The following ZNF385B variants were observed in gnomAD, a reference collection of about 807,000 sequenced individuals.
The protein encoded by ZNF385B is zinc finger protein 385B, also known as zinc finger protein 533.
Under a neutral mutation model 39.2 loss-of-function variants are expected in ZNF385B, and 23 were observed. The observed-to-expected ratio is 0.59, with a 90% CI of 0.42 to 0.83. ZNF385B has a LOEUF of 0.83. ZNF385B is among the 40% of genes least tolerant of loss of function. The pLI is 0.00. For synonymous variants in ZNF385B, 205 were observed against 222.6 expected, an observed-to-expected ratio of 0.92 and a Z score of 0.70; for missense variants, 552 against 598.9, an observed-to-expected ratio of 0.92 and a Z score of 0.82.
chr2:179,658,579 T>C (rs1284299438), intron 3 of ZNF385B, among the ~76,000 whole-genome samples: 2 of 152,154 alleles, frequency 1.3e-5, no homozygotes, highest in African/African-American at 2.4e-5. Flanking sequence ...ATAATACTGT[T>C]ACCAAGTAGA....
chr2:179,776,880 G>C (rs1355421812), intron 1 of ZNF385B, among the ~76,000 whole-genome samples: 1 of 151,908 alleles, frequency 6.6e-6, no homozygotes, highest in African/African-American at 2.4e-5. Flanking sequence ...AAACAGGCTG[G>C]GACATTTATG....
chr2:179,586,515 A>T (rs112790625), intron 3 of ZNF385B, among the ~76,000 whole-genome samples: 20 of 152,206 alleles, frequency 1.3e-4, no homozygotes, highest in Admixed American at 3.3e-4. Flanking sequence ...CACTCATCTA[A>T]TGAGTGGCTA....
intron 3 of ZNF385B, among the ~76,000 whole-genome samples, chr2:179,763,729 CTTCT>C (rs1428233749): frequency 2.0e-5 from 3 of 152,102 alleles, no homozygotes; most frequent in African/African-American, 7.2e-5. Context: ...TTTGAGACTT[CTTCT>C]TTGATTCATA....
intron 5 of ZNF385B, among the ~76,000 whole-genome samples, chr2:179,507,670 T>C (rs2057351752): frequency 6.6e-6 from 1 of 152,190 alleles, no homozygotes; most frequent in Non-Finnish European, 1.5e-5. Context: ...TTCTCAGATC[T>C]TCCTTTCAAG....
At chr2:179,714,720 C>T (rs1331301058) in intron 3 of ZNF385B, among the ~76,000 whole-genome samples, 1 of 151,762 alleles carries the variant, frequency 6.6e-6, no homozygotes, top group Non-Finnish European at 1.5e-5. Context: ...GGGAGGCGGG[C>T]GGATCACCTG....
At position 179,844,172 on chromosome 2, in the gene ZNF385B, T is replaced by C. The variant is rs188707652; in HGVS notation, c.-155+16929A>G. On this transcript the variant is annotated intron_variant, in intron 1 of 9. Coordinates refer to ENST00000410066, the MANE Select transcript of ZNF385B (RefSeq NM_152520.6). Reference sequence around the variant, plus strand: ...TAACCTCCTTAAAAACGGACATCGATTGAAACCGCCTCCTCCATTTGCTTG... The same window carrying C: ...TAACCTCCTTAAAAACGGACATCGACTGAAACCGCCTCCTCCATTTGCTTG... 1.3e-4 allele frequency among the ~76,000 whole-genome samples: 20 copies of C among 152,350 alleles called. No homozygotes were observed. The East Asian group carries it at 3.5e-3, about 26-fold the overall frequency.
intron 3 of ZNF385B, among the ~76,000 whole-genome samples, chr2:179,578,070 T>A (rs1686045558): frequency 6.6e-6 from 1 of 152,134 alleles, no homozygotes; most frequent in Non-Finnish European, 1.5e-5. Flanking sequence ...GAACGTGGGA[T>A]GTATATGTGT....
chr2:179,621,426 A>G (rs1476858151), intron 3 of ZNF385B, among the ~76,000 whole-genome samples: 1 of 152,226 alleles, frequency 6.6e-6, no homozygotes, highest in East Asian at 1.9e-4. Context: ...ACCAGTGGAA[A>G]GCTAATAAAT....
intron 5 of ZNF385B, among the ~76,000 whole-genome samples, chr2:179,483,727 C>T (rs1310128829): frequency 6.6e-6 from 1 of 152,110 alleles, no homozygotes; most frequent in Admixed American, 6.6e-5. Flanking sequence ...TCATCAGTGC[C>T]CTCCCACCAG....
intron 3 of ZNF385B, among the ~76,000 whole-genome samples, chr2:179,702,437 T>C (rs138979838): frequency 2.2e-4 from 33 of 152,336 alleles, no homozygotes; most frequent in Admixed American, 2.0e-3. Context: ...AGGCTTGCTT[T>C]ATCAATAAAT....
rs2049076751 is a variant in ZNF385B, at chr2:179,442,745, C to T, written c.*505G>A. The T allele has an allele frequency of 5.1e-6, 1 of 197,000 alleles. No homozygotes were observed. Among genetic ancestry groups the T allele is most frequent in the South Asian group, 9.0e-5 (1 of 11,130 alleles). 12.2% of individuals were successfully genotyped at this position (197,000 alleles called of 1,614,324 possible). A position where few individuals can be genotyped will look rare whatever the true frequency, so the allele number is the denominator to read the frequency against. On this transcript the variant is annotated 3_prime_UTR_variant, in exon 10 of 10. Coordinates refer to ENST00000410066, the MANE Select transcript of ZNF385B (RefSeq NM_152520.6). ...TACACCAAAAAGAGAACTTTGTGATCCGTTGGTAAGATAGTATCCACAAGT... is the reference window on the plus strand; with the variant it reads ...TACACCAAAAAGAGAACTTTGTGATTCGTTGGTAAGATAGTATCCACAAGT...
chr2:179,635,098 C>A (rs547576911), intron 3 of ZNF385B, among the ~76,000 whole-genome samples: 1 of 150,478 alleles, frequency 6.6e-6, no homozygotes, highest in Non-Finnish European at 1.5e-5. Flanking sequence ...GCTGAGATTG[C>A]GCCACTGCAC....
chr2:179,808,184 C>T (rs996723539), intron 1 of ZNF385B, among the ~76,000 whole-genome samples: 20 of 152,020 alleles, frequency 1.3e-4, no homozygotes, highest in Admixed American at 6.5e-4. Context: ...AGGCGCACGC[C>T]GCCACGCCTG....
chr2:179,485,466 A>G (rs2054467646), intron 5 of ZNF385B, among the ~76,000 whole-genome samples: 2 of 152,054 alleles, frequency 1.3e-5, no homozygotes, highest in South Asian at 4.2e-4. Context: ...TGCTATCTTC[A>G]GACATCCAGC....
At chr2:179,835,983 T>G (rs1421973453) in intron 1 of ZNF385B, among the ~76,000 whole-genome samples, 1 of 152,182 alleles carries the variant, frequency 6.6e-6, no homozygotes, top group Non-Finnish European at 1.5e-5. Context: ...ATAAATAAAA[T>G]GTGATACATA....
chr2:179,607,908 C>CTT (rs71029822), intron 3 of ZNF385B, among the ~76,000 whole-genome samples: 1,647 of 97,324 alleles, frequency 0.017, 26 homozygotes, highest in Admixed American at 0.024. Flanking sequence ...CTCAGAAACT[C>CTT]TTTTTTTTTT....
At chr2:179,826,347 T>C (rs1461493966) in intron 1 of ZNF385B, among the ~76,000 whole-genome samples, 1 of 152,192 alleles carries the variant, frequency 6.6e-6, no homozygotes, top group Admixed American at 6.5e-5. Flanking sequence ...GCAAGAGCTT[T>C]GATGCCCTCA....
intron 3 of ZNF385B, among the ~76,000 whole-genome samples, chr2:179,647,670 A>G (rs1692840516): frequency 6.6e-6 from 1 of 152,202 alleles, no homozygotes; most frequent in Non-Finnish European, 1.5e-5. Context: ...GAATGTTCCT[A>G]TAGGGTTCAT....
At chr2:179,706,383 G>C (rs1699601165) in intron 3 of ZNF385B, among the ~76,000 whole-genome samples, 1 of 152,154 alleles carries the variant, frequency 6.6e-6, no homozygotes, top group Non-Finnish European at 1.5e-5. Context: ...GGGTCCTCTT[G>C]ACCATGGTGC....
Sources: allele counts gnomAD v4.1 joint callset (sites outside exome capture counted in the v4.1 genomes callset), GRCh38; gene constraint gnomAD v4.1.1; transcripts MANE v1.5; gene names NCBI Gene and HGNC (gene_info 2026-07-23, HGNC 2026-07-21).